The following PSMD12 variants were observed in gnomAD, a reference collection of about 807,000 sequenced individuals.
PSMD12 encodes 26S proteasome non-ATPase regulatory subunit 12.
A neutral mutation model predicts 62.9 loss-of-function variants in PSMD12; 8 were observed. The ratio of observed to expected loss-of-function variants is 0.13; its 90% CI spans 0.07 to 0.23. The LOEUF is 0.23. PSMD12 is among the 10% of genes least tolerant of loss of function. The pLI is 1.00. For synonymous variants in PSMD12, 173 were observed against 187.4 expected, an observed-to-expected ratio of 0.92 and a Z score of 0.63; for missense variants, 424 against 550.2, an observed-to-expected ratio of 0.77 and a Z score of 2.29.
rs1034163168 is a variant in PSMD12 at position 67,339,591 on chromosome 17, T to C, written c.*1252A>G. 2 of 152,198 alleles carry C rather than the reference T, an allele frequency of 1.3e-5. No individual in the cohort carries two copies. Among genetic ancestry groups the C allele is most frequent in the Non-Finnish European group, 2.9e-5 (2 of 68,036 alleles). The allele number at this position is 152,198 out of a possible 1,614,324, so 9.4% of individuals were successfully genotyped here. A position where few individuals can be genotyped will look rare whatever the true frequency, so the allele number is the denominator to read the frequency against. ...TCCTGGGATCATAAAATAGGACAAT[T>C]GATAATCTTCCATTAAGTGGAAAAT... On this transcript the variant is annotated 3_prime_UTR_variant, in exon 11 of 11. Transcript: ENST00000356126.
chr17:67,358,582 A>AAG (rs1373558933), intron 1 of PSMD12, among the ~76,000 whole-genome samples: 6 of 150,146 alleles, frequency 4.0e-5, no homozygotes, highest in African/African-American at 1.2e-4. Context: ...AAAAAAAAAA[A>AAG]AAAAGAAAAG....
chr17:67,352,612 A>G (rs1053198306), intron 3 of PSMD12, among the ~76,000 whole-genome samples: 1 of 152,252 alleles, frequency 6.6e-6, no homozygotes. Context: ...CAACTACAGT[A>G]GTCTCCACTT....
chr17:67,357,272 G>A (rs776055527), intron 3 of PSMD12, 31 bp downstream of exon 3: 2 of 1,583,304 alleles, frequency 1.3e-6, no homozygotes, highest in Non-Finnish European at 1.7e-6. Flanking sequence ...AAATGCTTTT[G>A]TGTTTGGAGC....
Position 67,345,734 on chromosome 17 carries a change from A to G in PSMD12, c.908+11T>C. 1 of 1,582,484 alleles carries G rather than the reference A, an allele frequency of 6.3e-7. No homozygotes were observed. Among genetic ancestry groups the G allele is most frequent in the Non-Finnish European group, 8.7e-7 (1 of 1,152,822 alleles). Reference sequence around the variant, plus strand: ...ACTGAGATATATCATGCTAATTTCAAAAGTACTTACTTGTATTTGGGAATT... The same window carrying G: ...ACTGAGATATATCATGCTAATTTCAGAAGTACTTACTTGTATTTGGGAATT... On this transcript the variant is annotated intron_variant, in intron 8 of 10. Coordinates refer to ENST00000356126, the MANE Select transcript of PSMD12 (RefSeq NM_002816.5).
intron 8 of PSMD12, 64 bp from the exon 9 acceptor site, chr17:67,344,844 G>A (rs1409340336): frequency 2.3e-6 from 3 of 1,293,522 alleles, no homozygotes; most frequent in Non-Finnish European, 3.1e-6. Flanking sequence ...TAATATAATA[G>A]CAAAGTTCAA....
intron 4 of PSMD12, among the ~76,000 whole-genome samples, chr17:67,348,858 T>C (rs1482334793): frequency 1.3e-5 from 2 of 152,066 alleles, no homozygotes; most frequent in African/African-American, 4.8e-5. Context: ...TAGCTGAGTG[T>C]GGTGGCATGC....
At chr17:67,353,942 G>A (rs1399444817) in intron 3 of PSMD12, among the ~76,000 whole-genome samples, 1 of 152,080 alleles carries the variant, frequency 6.6e-6, no homozygotes, top group African/African-American at 2.4e-5. Context: ...ATTGCCTAAT[G>A]TATGTGTAGC....
chr17:67,344,481 G>T (rs188332690), intron 9 of PSMD12, 125 bp downstream of exon 9: 1 of 901,916 alleles, frequency 1.1e-6, no homozygotes, highest in Non-Finnish European at 1.6e-6. Flanking sequence ...CATCCTAAAT[G>T]AACATTTGGT....
At chr17:67,360,412 T>C (rs546709466) in intron 1 of PSMD12, among the ~76,000 whole-genome samples, 92 of 152,342 alleles carry the variant, frequency 6.0e-4, no homozygotes, top group African/African-American at 2.1e-3. Flanking sequence ...TAACACTCTC[T>C]AAAAATCAGT....
intron 9 of PSMD12, 101 bp from the exon 10 acceptor site, chr17:67,342,364 A>C: frequency 1.3e-6 from 1 of 767,240 alleles, no homozygotes; most frequent in South Asian, 1.8e-5. Flanking sequence ...AAAATGTTAG[A>C]CTCAGAGCTT....
intron 3 of PSMD12, among the ~76,000 whole-genome samples, chr17:67,354,348 T>C (rs981006947): frequency 1.3e-5 from 2 of 151,324 alleles, no homozygotes; most frequent in African/African-American, 4.9e-5. Context: ...AGATTGAGGC[T>C]GCAGTGAGCT....
intron 7 of PSMD12, among the ~76,000 whole-genome samples, chr17:67,346,538 C>T (rs553363438): frequency 6.6e-6 from 1 of 152,196 alleles, no homozygotes; most frequent in South Asian, 2.1e-4. Context: ...GCACTCCAGC[C>T]TGGGCGACAG....
In PSMD12 at chr17:67,344,850, T is replaced by C. The variant is rs1352933781; in HGVS notation, c.909-70A>G. 3.2e-6 allele frequency: 4 copies of C among 1,236,288 alleles called. No homozygotes were observed. In the African/African-American group the frequency reaches 4.6e-5, roughly 14 times the overall value. The allele number at this position is 1,236,288 out of a possible 1,614,324, so 76.6% of individuals were successfully genotyped here. On this transcript the variant is annotated intron_variant, in intron 8 of 10. Coordinates refer to ENST00000356126, the MANE Select transcript of PSMD12 (RefSeq NM_002816.5). ...AGTATTAACTAATATAATAGCAAAG[T>C]TCAAAAAATTCAGCAAAGACTGTTT...
At chr17:67,357,975 G>A (rs139760871) in intron 1 of PSMD12, among the ~76,000 whole-genome samples, 1 of 151,548 alleles carries the variant, frequency 6.6e-6, no homozygotes, top group African/African-American at 2.4e-5. Context: ...AGGCTGAAGT[G>A]CAGTGGCACC....
intron 8 of PSMD12, chr17:67,345,511 G>A (rs1487546017): frequency 1.2e-5 from 5 of 414,166 alleles, no homozygotes; most frequent in East Asian, 4.4e-5. Flanking sequence ...GCATGGTAGC[G>A]GGTGCCTGTA....
chr17:67,350,087 G>A (rs2042003322), intron 4 of PSMD12, 142 bp downstream of exon 4: 1 of 492,412 alleles, frequency 2.0e-6, no homozygotes. Context: ...AGACATTATT[G>A]GTTGAATTAC....
Position 67,338,971 on chromosome 17 carries a change from T to C in PSMD12, c.*1872A>G, listed in dbSNP as rs895307236. 1 of 152,240 alleles carries C rather than the reference T, an allele frequency of 6.6e-6. No homozygotes were observed. The highest frequency in any genetic ancestry group is 2.4e-5 in the African/African-American group (1 of 41,462). The allele number at this position is 152,240 out of a possible 1,614,324, so 9.4% of individuals were successfully genotyped here. Reference sequence around the variant, plus strand: ...ATGAGTCTCTAGAAAGATGAAGTTATTGAGAAGCTAGTTTCAAATTAGCTC... The same window carrying C: ...ATGAGTCTCTAGAAAGATGAAGTTACTGAGAAGCTAGTTTCAAATTAGCTC... On this transcript the variant is annotated 3_prime_UTR_variant, in exon 11 of 11. Transcript: ENST00000356126.
At chr17:67,348,773 G>A in intron 4 of PSMD12, 119 bp from the exon 5 acceptor site, 1 of 784,986 alleles carries the variant, frequency 1.3e-6, no homozygotes, top group Non-Finnish European at 2.0e-6. Context: ...TGAGGCAGGA[G>A]GATCGCTTGA....
intron 3 of PSMD12, 198 bp downstream of exon 3, chr17:67,357,105 T>G (rs1055366510): frequency 3.7e-6 from 2 of 538,036 alleles, no homozygotes; most frequent in African/African-American, 3.9e-5. Flanking sequence ...TTTTTAAAAA[T>G]ATGCAAACAT....
Sources: gnomAD v4.1 joint callset for allele counts (sites outside exome capture counted in the v4.1 genomes callset) on GRCh38, gnomAD v4.1.1 for gene constraint, MANE v1.5 for transcripts, NCBI Gene and HGNC (gene_info 2026-07-23, HGNC 2026-07-21) for gene names.